The following CDC25A variants were observed in gnomAD, a reference collection of about 807,000 sequenced individuals.
The protein encoded by CDC25A is cell division cycle 25A.
CDC25A carries 17 observed loss-of-function variants against 64.6 expected under a neutral mutation model. The ratio of observed to expected loss-of-function variants is 0.26; its 90% CI spans 0.18 to 0.39. The LOEUF (loss-of-function observed/expected upper bound fraction) is 0.39, where lower values mean the gene tolerates loss of function less well. Among genes scored for constraint, CDC25A ranks in the 10% least tolerant of loss-of-function variants. The pLI is 1.00. For synonymous variants in CDC25A, 229 were observed against 238.6 expected, an observed-to-expected ratio of 0.96 and a Z score of 0.37; for missense variants, 473 against 654.8, an observed-to-expected ratio of 0.72 and a Z score of 3.03.
At chr3:48,165,383 A>T (rs932425578) in intron 12 of CDC25A, among the ~76,000 whole-genome samples, 3 of 151,586 alleles carry the variant, frequency 2.0e-5, no homozygotes, top group Non-Finnish European at 4.4e-5. Flanking sequence ...TACCTCCTAC[A>T]AGTGTCCTTG....
At position 48,157,370 on chromosome 3, in the gene CDC25A, C is replaced by T. The variant is rs577005004; in HGVS notation, c.*1575G>A. ...GTGTAGGAAGAAGTCCTCTCCCCCA[C>T]ATTTTTCCCAACAAGATTGTTTTAT... On this transcript the variant is annotated 3_prime_UTR_variant, in exon 15 of 15. Coordinates refer to ENST00000302506, the MANE Select transcript of CDC25A (RefSeq NM_001789.3). 19 of 152,684 alleles carry T rather than the reference C, an allele frequency of 1.2e-4. No homozygotes were observed. The highest frequency in any genetic ancestry group is 4.1e-4 in the African/African-American group (17 of 41,568). 9.5% of individuals were successfully genotyped at this position (152,684 alleles called of 1,614,324 possible).
chr3:48,162,266 TTGTGTG>T (rs35591959), intron 13 of CDC25A, among the ~76,000 whole-genome samples: 3 of 144,790 alleles, frequency 2.1e-5, no homozygotes, highest in Admixed American at 7.0e-5. Context: ...AGTATAACCT[TTGTGTG>T]TGTGTGTGTG....
At chr3:48,160,399 G>A (rs912142645) in intron 13 of CDC25A, among the ~76,000 whole-genome samples, 3 of 143,500 alleles carry the variant, frequency 2.1e-5, no homozygotes, top group African/African-American at 5.2e-5. Context: ...GTTAGCCACC[G>A]CACCCAGTCA....
chr3:48,173,440 G>A lies in CDC25A; in HGVS notation c.930+844C>T, dbSNP rs576902582. Among the ~76,000 whole-genome samples the A allele has an allele frequency of 1.2e-4, 19 of 152,306 alleles. No homozygotes were observed. In the South Asian group the frequency reaches 3.9e-3, roughly 32 times the overall value. On this transcript the variant is annotated intron_variant, in intron 9 of 14. Transcript: ENST00000302506. Reference sequence around the variant, plus strand: ...AGTTAACCATTCAACTCATGAAGCTGGAGACAGCAACACAACAAGCCCCAA... The same window carrying A: ...AGTTAACCATTCAACTCATGAAGCTAGAGACAGCAACACAACAAGCCCCAA...
At chr3:48,162,614 G>GA (rs1044106995) in intron 13 of CDC25A, among the ~76,000 whole-genome samples, 1 of 150,908 alleles carries the variant, frequency 6.6e-6, no homozygotes, top group Admixed American at 6.6e-5. Flanking sequence ...TTGGGAGGCC[G>GA]AGACGGGCAG....
intron 12 of CDC25A, among the ~76,000 whole-genome samples, chr3:48,165,036 GGAGGCA>G (rs2031943260): frequency 6.8e-6 from 1 of 147,136 alleles, no homozygotes; most frequent in Non-Finnish European, 1.5e-5. Flanking sequence ...CTTGAACCCA[GGAGGCA>G]GAGGTTGTGG....
At chr3:48,168,480 T>TG (rs755075526) in intron 9 of CDC25A, among the ~76,000 whole-genome samples, 7 of 151,038 alleles carry the variant, frequency 4.6e-5, no homozygotes, top group Non-Finnish European at 8.8e-5. Context: ...CACCTGAGCC[T>TG]GGGGAGGTCG....
chr3:48,157,155 C>T lies in CDC25A; in HGVS notation c.*1790G>A, dbSNP rs1246612070. ...AAGGGAAATGTAATTCTCCTTAAAT[C>T]CATCAAGAACTAGGCAGAGAGCATG... On this transcript the variant is annotated 3_prime_UTR_variant, in exon 15 of 15. Transcript: ENST00000302506. 6.6e-6 allele frequency: 1 copy of T among 152,166 alleles called. No homozygotes were observed. Among genetic ancestry groups the T allele is most frequent in the Non-Finnish European group, 1.5e-5 (1 of 68,032 alleles). 9.4% of individuals were successfully genotyped at this position (152,166 alleles called of 1,614,324 possible). A position where few individuals can be genotyped will look rare whatever the true frequency, so the allele number is the denominator to read the frequency against.
chr3:48,173,767 A>C (rs1322788717), intron 9 of CDC25A, among the ~76,000 whole-genome samples: 2 of 152,160 alleles, frequency 1.3e-5, no homozygotes, highest in Non-Finnish European at 2.9e-5. Context: ...TAAAACGTAA[A>C]ATTTACATAG....
chr3:48,174,172 C>G (rs2032370179), intron 9 of CDC25A, 112 bp downstream of exon 9: 2 of 1,040,472 alleles, frequency 1.9e-6, no homozygotes, highest in Non-Finnish European at 2.8e-6. Context: ...CACAACCCCA[C>G]AAAACCCCAG....
rs1210006532 is a variant in CDC25A at position 48,187,958 on chromosome 3, G to C, written c.-11C>G. 2.7e-6 allele frequency: 4 copies of C among 1,469,774 alleles called. No individual in the cohort carries two copies. The African/African-American group carries it at 4.4e-5, about 16-fold the overall frequency. The allele number at this position is 1,469,774 out of a possible 1,614,324, so 91.0% of individuals were successfully genotyped here. A position where few individuals can be genotyped will look rare whatever the true frequency, so the allele number is the denominator to read the frequency against. ...CGGGCCCAGTTCCATGGCGGCGCCC[G>C]GCCTCGCAGAGCTCCCGCTCCCTCT... is the stretch of plus-strand genomic sequence containing the variant. On this transcript the variant is annotated 5_prime_UTR_variant, in exon 1 of 15. Coordinates refer to ENST00000302506, the MANE Select transcript of CDC25A (RefSeq NM_001789.3).
At chr3:48,181,744 G>C (rs1446336745) in intron 5 of CDC25A, 4 of 659,706 alleles carry the variant, frequency 6.1e-6, no homozygotes, top group Middle Eastern at 3.9e-4. Context: ...CTGAATTATA[G>C]AATGTTCACA....
At chr3:48,179,984 G>A (rs2032603068) in intron 6 of CDC25A, among the ~76,000 whole-genome samples, 1 of 152,156 alleles carries the variant, frequency 6.6e-6, no homozygotes, top group African/African-American at 2.4e-5. Context: ...CCAACAGCAG[G>A]AAACTTTGGA....
intron 1 of CDC25A, 27 bp downstream of exon 1, chr3:48,187,751 G>C (rs1020177813): frequency 3.3e-6 from 5 of 1,528,054 alleles, no homozygotes; most frequent in East Asian, 5.4e-5. Flanking sequence ...CAGGGGCCCG[G>C]AGCACCGCCC....
rs1189170437 is a variant in CDC25A, at chr3:48,177,850, G to A, written c.684+4C>T. On this transcript the variant is annotated splice_donor_region_variant and intron_variant, in intron 7 of 14. Coordinates refer to ENST00000302506, the MANE Select transcript of CDC25A (RefSeq NM_001789.3). ...ATAGGAACACACACACACACACACG[G>A]TACCTTCAGATTCTCTCCATCGAGA... 44 of 1,611,504 alleles carry A rather than the reference G, an allele frequency of 2.7e-5. No homozygotes were observed. Among genetic ancestry groups the A allele is most frequent in the Non-Finnish European group, 3.7e-5 (44 of 1,179,172 alleles).
At chr3:48,174,639 G>A (rs1296007788) in intron 8 of CDC25A, 182 bp from the exon 9 acceptor site, 2 of 560,462 alleles carry the variant, frequency 3.6e-6, no homozygotes, top group East Asian at 6.0e-5. Context: ...TAGGCACTGA[G>A]CACTTAGTGC....
intron 12 of CDC25A, among the ~76,000 whole-genome samples, chr3:48,165,107 C>CAAAAAAAAAAAAAAAAAAAAAA (rs11370901): frequency 1.2e-5 from 1 of 84,960 alleles, no homozygotes; most frequent in African/African-American, 4.5e-5. Context: ...GACTCTGTCT[C>CAAAAAAAAAAAAAAAAAAAAAA]AAAAAAAAAA....
intron 6 of CDC25A, among the ~76,000 whole-genome samples, chr3:48,180,118 AT>A (rs1476437077): frequency 6.6e-6 from 1 of 152,150 alleles, no homozygotes; most frequent in African/African-American, 2.4e-5. Context: ...AATAAAAAAA[AT>A]AGAGATGTGG....
chr3:48,170,837 A>G (rs1241716673), intron 9 of CDC25A, among the ~76,000 whole-genome samples: 1 of 152,206 alleles, frequency 6.6e-6, no homozygotes, highest in African/African-American at 2.4e-5. Flanking sequence ...GTTATATGAC[A>G]GAAGGGGAAG....
Sources: gnomAD v4.1 joint callset for allele counts (sites outside exome capture counted in the v4.1 genomes callset) on GRCh38, gnomAD v4.1.1 for gene constraint, MANE v1.5 for transcripts, NCBI Gene and HGNC (gene_info 2026-07-23, HGNC 2026-07-21) for gene names.